The following GRM7 variants were observed in gnomAD, a reference collection of about 807,000 sequenced individuals.
GRM7 encodes metabotropic glutamate receptor 7.
In GRM7, 35 loss-of-function variants were observed where a neutral mutation model predicts 84.5. The observed-to-expected ratio is 0.41, with a 90% CI of 0.32 to 0.55. The LOEUF (loss-of-function observed/expected upper bound fraction) is 0.55. Ranked by LOEUF, GRM7 falls within the 20% of genes least tolerant of loss-of-function variation. The probability of loss-of-function intolerance (pLI) is 0.19; values close to 1 mark genes in which losing one functional copy is unlikely to be tolerated. For missense variants in GRM7, 1,003 were observed against 1,194.6 expected (o/e 0.84, Z 2.36); for synonymous variants, 487 against 455.1 (o/e 1.07, Z -0.89).
At chr3:7,365,309 T>A (rs1400007471) in intron 4 of GRM7, among the ~76,000 whole-genome samples, 1 of 151,730 alleles carries the variant, frequency 6.6e-6, no homozygotes, top group South Asian at 2.1e-4. Flanking sequence ...GGCTCAGCTA[T>A]GTTATCTTTG....
intron 1 of GRM7, among the ~76,000 whole-genome samples, chr3:6,977,100 C>T (rs370820327): frequency 6.6e-6 from 1 of 152,110 alleles, no homozygotes; most frequent in Non-Finnish European, 1.5e-5. Flanking sequence ...CATATTTCCT[C>T]CTCTAATTGC....
chr3:7,221,996 A>T (rs1696820211), intron 2 of GRM7, among the ~76,000 whole-genome samples: 1 of 151,586 alleles, frequency 6.6e-6, no homozygotes, highest in Non-Finnish European at 1.5e-5. Context: ...TTTAGTAGAG[A>T]CGGGGTTTCA....
chr3:7,295,824 T>G (rs987158825), intron 2 of GRM7, among the ~76,000 whole-genome samples: 2 of 146,978 alleles, frequency 1.4e-5, no homozygotes, highest in Non-Finnish European at 3.0e-5. Flanking sequence ...GATAGCTTTT[T>G]TTTGGGGGGG....
At chr3:7,216,366 A>G (rs956590004) in intron 2 of GRM7, among the ~76,000 whole-genome samples, 8 of 152,198 alleles carry the variant, frequency 5.3e-5, no homozygotes, top group African/African-American at 1.9e-4. Flanking sequence ...ATATGTACCT[A>G]TATGTATTTG....
chr3:7,247,604 A>ATTT (rs1697819051), intron 2 of GRM7, among the ~76,000 whole-genome samples: 45 of 140,084 alleles, frequency 3.2e-4, no homozygotes, highest in African/African-American at 1.2e-3. Flanking sequence ...TTTTTTTTTA[A>ATTT]AAAAAAAAAA....
intron 1 of GRM7, among the ~76,000 whole-genome samples, chr3:7,012,903 G>C (rs1377739756): frequency 1.3e-5 from 2 of 152,086 alleles, no homozygotes; most frequent in African/African-American, 4.8e-5. Flanking sequence ...ATCATATCCA[G>C]CTAATTTGTT....
At chr3:7,086,385 C>T (rs1055813552) in intron 1 of GRM7, among the ~76,000 whole-genome samples, 2 of 151,918 alleles carry the variant, frequency 1.3e-5, no homozygotes, top group Non-Finnish European at 1.5e-5. Context: ...TTTAAACACA[C>T]TTTTTTTGTT....
rs542956632 is a variant in GRM7 at position 7,656,632 on chromosome 3, T to C, written c.2452-23417T>C. ...AGGTCGTGTTTTATGTCCCCAGGGG[T>C]AGGGAGGTTAAAGTCTCTCTGGGAA... On this transcript the variant is annotated intron_variant, in intron 8 of 9. Coordinates refer to ENST00000357716, the MANE Select transcript of GRM7 (RefSeq NM_000844.4). 2.9e-3 allele frequency among the ~76,000 whole-genome samples: 419 copies of C among 142,648 alleles called. 6 individuals carry two copies. The highest frequency in any genetic ancestry group is 0.019 in the Middle Eastern group (5 of 260). The allele number at this position is 142,648 out of a possible 152,430, so 93.6% of individuals were successfully genotyped here. A position where few individuals can be genotyped will look rare whatever the true frequency, so the allele number is the denominator to read the frequency against.
At chr3:7,651,167 T>C (rs916060967) in intron 8 of GRM7, among the ~76,000 whole-genome samples, 1 of 152,214 alleles carries the variant, frequency 6.6e-6, no homozygotes, top group African/African-American at 2.4e-5. Flanking sequence ...TCCTTTCTCA[T>C]GTTTAGCATC....
At chr3:7,090,421 AAAG>A (rs1698620232) in intron 1 of GRM7, among the ~76,000 whole-genome samples, 1 of 152,164 alleles carries the variant, frequency 6.6e-6, no homozygotes, top group African/African-American at 2.4e-5. Flanking sequence ...TGAATGGATG[AAAG>A]AAGGAAGAGT....
At chr3:7,015,310 G>C (rs1159646356) in intron 1 of GRM7, among the ~76,000 whole-genome samples, 1 of 152,194 alleles carries the variant, frequency 6.6e-6, no homozygotes, top group East Asian at 1.9e-4. Flanking sequence ...GCGAGACCAA[G>C]AACCCACCAG....
chr3:6,955,015 G>C (rs777782083), intron 1 of GRM7, among the ~76,000 whole-genome samples: 6 of 152,134 alleles, frequency 3.9e-5, no homozygotes. Flanking sequence ...GTATTATAAA[G>C]TATGTGAAAG....
chr3:7,591,447 C>G, intron 8 of GRM7: 1 of 445,328 alleles, frequency 2.2e-6, no homozygotes, highest in Non-Finnish European at 4.5e-6. Context: ...GTGATCAAAT[C>G]TTTTAAGAAG....
chr3:7,409,366 C>A (rs1293129475), intron 4 of GRM7, among the ~76,000 whole-genome samples: 3 of 151,714 alleles, frequency 2.0e-5, no homozygotes, highest in African/African-American at 7.3e-5. Flanking sequence ...TCAACTTTTC[C>A]TGAAAGACAA....
chr3:7,573,334 T>C lies in GRM7; in HGVS notation c.1516-5088T>C, dbSNP rs573258911. Among the ~76,000 whole-genome samples the C allele has an allele frequency of 4.6e-5, 7 of 152,298 alleles. No homozygotes were observed. The East Asian group carries it at 1.2e-3, about 25-fold the overall frequency. ...GTAAAAATAATATTGCAGAGAATTATGCAATAAAAGCACCAGCCAGCTTGG... is the reference window on the plus strand; with the variant it reads ...GTAAAAATAATATTGCAGAGAATTACGCAATAAAAGCACCAGCCAGCTTGG... On this transcript the variant is annotated intron_variant, in intron 7 of 9. Transcript: ENST00000357716.
intron 4 of GRM7, among the ~76,000 whole-genome samples, chr3:7,322,885 G>A (rs1508708): frequency 0.49 from 74,538 of 151,834 alleles, 19,308 homozygotes; most frequent in African/African-American, 0.67. Context: ...TGAAAGTGGC[G>A]TATGGTCGTT....
intron 7 of GRM7, among the ~76,000 whole-genome samples, chr3:7,519,180 A>T (rs1404172842): frequency 6.6e-6 from 1 of 152,116 alleles, no homozygotes. Flanking sequence ...GTAGAACTTA[A>T]CAGCTTTTAC....
Position 6,863,037 on chromosome 3 carries a change from T to A in GRM7, c.519+1130T>A, listed in dbSNP as rs1446101236. ...GTGGCTTTGGGGTTTGGAAATTGAG[T>A]TTCAGGGTCTCTGTGATTGTAGGTT... On this transcript the variant is annotated intron_variant, in intron 1 of 9. Coordinates refer to ENST00000357716, the MANE Select transcript of GRM7 (RefSeq NM_000844.4). This position sits in a 1 kb window ranked among gnomAD's most constrained non-coding sequence, Gnocchi z 4.8. 2 of 455,430 alleles carry A rather than the reference T, an allele frequency of 4.4e-6. No homozygotes were observed. Among genetic ancestry groups the A allele is most frequent in the Non-Finnish European group, 8.8e-6 (2 of 226,470 alleles). The allele number at this position is 455,430 out of a possible 1,614,324, so 28.2% of individuals were successfully genotyped here.
At chr3:7,722,387 G>C (rs13091044) in intron 9 of GRM7, among the ~76,000 whole-genome samples, 2,421 of 151,630 alleles carry the variant, frequency 0.016, 22 homozygotes, top group Non-Finnish European at 0.025. Flanking sequence ...GAAAATCAAG[G>C]CATGAAGAGA....
Sources: allele counts gnomAD v4.1 joint callset (sites outside exome capture counted in the v4.1 genomes callset), GRCh38; gene constraint gnomAD v4.1.1; non-coding constraint Gnocchi (gnomAD v3.1); transcripts MANE v1.5; gene names NCBI Gene and HGNC (gene_info 2026-07-23, HGNC 2026-07-21).